Variants in LRRK1 observed in about 807,000 individuals in gnomAD.
LRRK1 encodes leucine-rich repeat serine/threonine-protein kinase 1.
Under a neutral mutation model 209.1 loss-of-function variants are expected in LRRK1, and 113 were observed. The observed-to-expected ratio is 0.54, with a 90% confidence interval of 0.46 to 0.63. The LOEUF is 0.63. Among genes scored for constraint, LRRK1 ranks in the 30% least tolerant of loss-of-function variants. The pLI is 0.00. For missense variants in LRRK1, 2,284 were observed against 2,632.2 expected (o/e 0.87, Z 2.89); for synonymous variants, 1,144 against 1,099.7 (o/e 1.04, Z -0.80).
At chr15:100,925,143 C>G (rs1230166212) in intron 2 of LRRK1, among the ~76,000 whole-genome samples, 1 of 152,172 alleles carries the variant, frequency 6.6e-6, no homozygotes, top group Non-Finnish European at 1.5e-5. Flanking sequence ...GGCATGTTCT[C>G]TCCTAGTCTC....
chr15:101,015,472 A>AGTGGGG lies in LRRK1; in HGVS notation c.1609+71_1609+76dup. 3 of 1,189,786 alleles carry AGTGGGG rather than the reference A, an allele frequency of 2.5e-6. No homozygotes were observed. The South Asian group carries it at 3.9e-5, about 15-fold the overall frequency. The allele number at this position is 1,189,786 out of a possible 1,614,324, so 73.7% of individuals were successfully genotyped here. On this transcript the variant is annotated intron_variant, in intron 12 of 33. Transcript: ENST00000388948. ...GGTAGCCTGGTTCCTGCTCCACCAA[A>AGTGGGG]GTGGGGATCGCCCTTATCTTGGGCC... is the stretch of plus-strand genomic sequence containing the variant.
chr15:100,963,635 G>A (rs2030241276), intron 2 of LRRK1, among the ~76,000 whole-genome samples: 1 of 152,204 alleles, frequency 6.6e-6, no homozygotes, highest in African/African-American at 2.4e-5. Context: ...TCCTGGCTCG[G>A]GAGTAGTCTT....
At chr15:101,037,336 C>T (rs1188659912) in intron 20 of LRRK1, among the ~76,000 whole-genome samples, 1 of 152,152 alleles carries the variant, frequency 6.6e-6, no homozygotes, top group African/African-American at 2.4e-5. Flanking sequence ...GTAGGCCCAA[C>T]CTTAGGCCCT....
At chr15:101,019,434 C>G (rs1596282244) in intron 12 of LRRK1, among the ~76,000 whole-genome samples, 1 of 152,158 alleles carries the variant, frequency 6.6e-6, no homozygotes, top group Admixed American at 6.5e-5. Flanking sequence ...TCATACAAAG[C>G]CATCTTTAGA....
At chr15:100,989,468 G>T in intron 6 of LRRK1, 70 bp downstream of exon 6, 1 of 1,501,664 alleles carries the variant, frequency 6.7e-7, no homozygotes. Flanking sequence ...CCTGCAGACT[G>T]GGTAATTTAT....
chr15:101,064,937 T>C (rs80008297), intron 31 of LRRK1: 3,559 of 223,698 alleles, frequency 0.016, 138 homozygotes, highest in African/African-American at 0.076. Context: ...ACTGCTGTCA[T>C]GTTAAGCAGC....
chr15:100,979,191 T>C (rs1248607361), intron 3 of LRRK1, among the ~76,000 whole-genome samples: 2 of 152,168 alleles, frequency 1.3e-5, no homozygotes, highest in African/African-American at 4.8e-5. Context: ...TTCAATACCA[T>C]GTTTTTCAAA....
intron 3 of LRRK1, 28 bp downstream of exon 3, chr15:100,973,995 C>G: frequency 8.0e-7 from 1 of 1,244,370 alleles, no homozygotes; most frequent in South Asian, 3.9e-5. Flanking sequence ...CCTGCGGCCA[C>G]CCATGCAGCC....
At chr15:100,966,847 A>C (rs138435308) in intron 2 of LRRK1, among the ~76,000 whole-genome samples, 25 of 152,338 alleles carry the variant, frequency 1.6e-4, no homozygotes, top group South Asian at 1.2e-3. Flanking sequence ...ATGATTGAAA[A>C]ATCAAGTTAA....
At position 101,077,906 on chromosome 15, in the gene LRRK1, A is replaced by C. The variant is rs1418399180; in HGVS notation, c.*9058A>C. 1.3e-5 allele frequency: 2 copies of C among 152,338 alleles called. No individual in the cohort carries two copies. Among genetic ancestry groups the C allele is most frequent in the African/African-American group, 2.4e-5 (1 of 41,460 alleles). 9.4% of individuals were successfully genotyped at this position (152,338 alleles called of 1,614,324 possible). A position where few individuals can be genotyped will look rare whatever the true frequency, so the allele number is the denominator to read the frequency against. Reference sequence around the variant, plus strand: ...GACCTGCACGCATATATAAGCCCAGATGGCCTGAAGTAACTGAAGAATCAC... The same window carrying C: ...GACCTGCACGCATATATAAGCCCAGCTGGCCTGAAGTAACTGAAGAATCAC... On this transcript the variant is annotated 3_prime_UTR_variant, in exon 34 of 34. Coordinates refer to ENST00000388948, the MANE Select transcript of LRRK1 (RefSeq NM_024652.6).
intron 2 of LRRK1, among the ~76,000 whole-genome samples, chr15:100,967,015 C>T (rs945359112): frequency 6.6e-6 from 1 of 152,230 alleles, no homozygotes; most frequent in African/African-American, 2.4e-5. Context: ...TGCATTCACA[C>T]ATACACATAC....
At chr15:101,008,796 C>A (rs376897335) in intron 6 of LRRK1, 41 bp from the exon 7 acceptor site, 1 of 1,471,924 alleles carries the variant, frequency 6.8e-7, no homozygotes, top group South Asian at 1.1e-5. Flanking sequence ...GGGCCCTGAA[C>A]TCACCCTCCA....
At chr15:101,067,420 AATGTGTGTGTGT>A (rs1252412513) in intron 33 of LRRK1, 11 of 347,040 alleles carry the variant, frequency 3.2e-5, no homozygotes, top group South Asian at 9.8e-5. Flanking sequence ...CCTCAGTTCA[AATGTGTGTGTGT>A]GTGTGTGTGT....
At chr15:101,053,756 C>T (rs1376829755) in intron 26 of LRRK1, among the ~76,000 whole-genome samples, 1 of 152,022 alleles carries the variant, frequency 6.6e-6, no homozygotes. Context: ...TGCATTGAAT[C>T]ACTTTCCCAA....
At chr15:101,015,484 C>T (rs2033491945) in intron 12 of LRRK1, 82 bp downstream of exon 12, 1 of 1,074,488 alleles carries the variant, frequency 9.3e-7, no homozygotes, top group Non-Finnish European at 1.4e-6. Context: ...TGGGGATCGC[C>T]CTTATCTTGG....
chr15:101,075,654 A>G lies in LRRK1; in HGVS notation c.*6806A>G, dbSNP rs1246694260. Reference sequence around the variant, plus strand: ...CATTTCACTTGTCCTAAAACCAGACAAGCCTTACAAGTTAGTTCAGGATCT... The same window carrying G: ...CATTTCACTTGTCCTAAAACCAGACGAGCCTTACAAGTTAGTTCAGGATCT... On this transcript the variant is annotated 3_prime_UTR_variant, in exon 34 of 34. Transcript: ENST00000388948. 1.3e-5 allele frequency: 2 copies of G among 151,176 alleles called. No individual in the cohort carries two copies. The highest frequency in any genetic ancestry group is 2.9e-5 in the Non-Finnish European group (2 of 68,032). 9.4% of individuals were successfully genotyped at this position (151,176 alleles called of 1,614,324 possible).
At chr15:101,047,512 C>T (rs1178111564) in intron 21 of LRRK1, among the ~76,000 whole-genome samples, 3 of 152,234 alleles carry the variant, frequency 2.0e-5, no homozygotes, top group South Asian at 2.1e-4. Flanking sequence ...GGCGCCCTTC[C>T]GGGCAGCAGC....
chr15:101,045,023 C>T (rs894454178), intron 20 of LRRK1, among the ~76,000 whole-genome samples: 1 of 152,204 alleles, frequency 6.6e-6, no homozygotes, highest in Admixed American at 6.5e-5. Flanking sequence ...TCTGCACAGC[C>T]CCCGTCTACC....
intron 28 of LRRK1, 38 bp from the exon 29 acceptor site, chr15:101,057,952 A>G: frequency 6.2e-7 from 1 of 1,611,190 alleles, no homozygotes; most frequent in Non-Finnish European, 8.5e-7. Context: ...TCCGGTTGTA[A>G]GTGACCTTGC....
Sources: gnomAD v4.1 joint callset for allele counts (sites outside exome capture counted in the v4.1 genomes callset) on GRCh38, gnomAD v4.1.1 for gene constraint, MANE v1.5 for transcripts, NCBI Gene and HGNC (gene_info 2026-07-23, HGNC 2026-07-21) for gene names.